Variants in ZNF33B observed in about 807,000 individuals in gnomAD.
ZNF33B encodes the protein zinc finger protein 33B.
A neutral mutation model predicts 45.8 loss-of-function variants in ZNF33B; 29 were observed. The observed-to-expected ratio is 0.63, with a 90% confidence interval of 0.47 to 0.86. ZNF33B has a LOEUF of 0.86. Ranked by LOEUF, ZNF33B falls within the 40% of genes least tolerant of loss-of-function variation. The probability of loss-of-function intolerance (pLI) is 0.00; values close to 1 mark genes in which losing one functional copy is unlikely to be tolerated. For synonymous variants in ZNF33B, 305 were observed against 307.8 expected (o/e 0.99, Z 0.10); for missense variants, 831 against 909.9 (o/e 0.91, Z 1.12).
At chr10:42,586,874 T>G (rs1035250307), downstream of ZNF33B, among the ~76,000 whole-genome samples, 6 of 152,168 alleles carry the variant, frequency 3.9e-5, no homozygotes, top group African/African-American at 1.4e-4. Context: ...CTAGGTCGTT[T>G]ATAAGCAATA....
In ZNF33B at chr10:42,590,309, C is replaced by T. The variant is rs565762119; in HGVS notation, c.*2304G>A. On this transcript the variant is annotated 3_prime_UTR_variant, in exon 5 of 5. Coordinates refer to ENST00000359467, the MANE Select transcript of ZNF33B (RefSeq NM_006955.3). Reference sequence around the variant, plus strand: ...GAAAGAGACAGTACAGACTTGGTATCATTTCTACCTTAAGTATCTCGAAAA... The same window carrying T: ...GAAAGAGACAGTACAGACTTGGTATTATTTCTACCTTAAGTATCTCGAAAA... 2 of 152,176 alleles carry T rather than the reference C, an allele frequency of 1.3e-5. No homozygotes were observed. The highest frequency in any genetic ancestry group is 4.8e-5 in the African/African-American group (2 of 41,444). The allele number at this position is 152,176 out of a possible 1,614,324, so 9.4% of individuals were successfully genotyped here.
chr10:42,593,795 A>G lies in ZNF33B; in HGVS notation c.1155T>C (p.Phe385=), dbSNP rs781267934. 3 of 1,613,868 alleles carry G rather than the reference A, an allele frequency of 1.9e-6. No homozygotes were observed. The highest frequency in any genetic ancestry group is 1.1e-5 in the South Asian group (1 of 91,074). ...AGGCTTTCCCACATTCATTGCATTCAAAAGGTTTCTCCCCTGTGTGTGATC... is the reference window on the plus strand; with the variant it reads ...AGGCTTTCCCACATTCATTGCATTCGAAAGGTTTCTCCCCTGTGTGTGATC... ...HQRSHTGEKP[F]ECNECGKAFS... The change falls in exon 5 of 5, where the codon TTT becomes TTC. Residue 385 remains phenylalanine (F), a synonymous_variant. Coordinates refer to ENST00000359467, the MANE Select transcript of ZNF33B (RefSeq NM_006955.3).
At chr10:42,583,186 A>G (rs976559754) in intron 1 of ZNF33B, 25 of 741,132 alleles carry the variant, frequency 3.4e-5, no homozygotes, top group Non-Finnish European at 5.6e-5. Context: ...GTTGATGTGA[A>G]GATGGCCTGA....
chr10:42,621,305 C>T (rs1411910079), intron 4 of ZNF33B, among the ~76,000 whole-genome samples: 1 of 151,820 alleles, frequency 6.6e-6, no homozygotes, highest in Non-Finnish European at 1.5e-5. Context: ...GCACTCCAGT[C>T]TGGGCAACAG....
chr10:42,615,753 G>A (rs1302662133), intron 4 of ZNF33B, among the ~76,000 whole-genome samples: 12 of 151,276 alleles, frequency 7.9e-5, no homozygotes, highest in African/African-American at 2.9e-4. Flanking sequence ...GTGAAACCCT[G>A]TCTCTACTAA....
At chr10:42,584,056 T>C (rs1836879842) in intron 1 of ZNF33B, among the ~76,000 whole-genome samples, 1 of 152,170 alleles carries the variant, frequency 6.6e-6, no homozygotes, top group Non-Finnish European at 1.5e-5. Context: ...CCATTGGTCA[T>C]CTGTACCAGC....
intron 4 of ZNF33B, among the ~76,000 whole-genome samples, chr10:42,610,425 C>T (rs1302358855): frequency 1.3e-5 from 2 of 152,154 alleles, no homozygotes; most frequent in Admixed American, 1.3e-4. Context: ...GTAGTCCTAG[C>T]TACTTGGGAG....
Position 42,604,411 on chromosome 10 carries a change from C to T in ZNF33B, c.251-9712G>A, listed in dbSNP as rs572142209. Among the ~76,000 whole-genome samples the T allele has an allele frequency of 3.3e-5, 5 of 152,066 alleles. No homozygotes were observed. In the East Asian group the frequency reaches 9.7e-4, roughly 29 times the overall value. On this transcript the variant is annotated intron_variant, in intron 4 of 4. Transcript: ENST00000359467. ...AGTGAGCTGACATCATGCCTCTGAA[C>T]TCCAGCCTGGGTGACACAGCAAGAC...
intron 4 of ZNF33B, among the ~76,000 whole-genome samples, chr10:42,614,679 G>C (rs374231937): frequency 3.3e-5 from 5 of 152,148 alleles, no homozygotes; most frequent in East Asian, 3.9e-4. Context: ...CATCAGTCCG[G>C]GAGCAGTGGC....
chr10:42,606,608 A>G (rs1837864895), intron 4 of ZNF33B, among the ~76,000 whole-genome samples: 1 of 152,160 alleles, frequency 6.6e-6, no homozygotes. Flanking sequence ...GATACTTCCT[A>G]TCTTTCTTTC....
chr10:42,617,492 T>C lies in ZNF33B; in HGVS notation c.250+14437A>G, dbSNP rs190090971. 3.9e-5 allele frequency among the ~76,000 whole-genome samples: 6 copies of C among 152,308 alleles called. No individual in the cohort carries two copies. In the East Asian group the frequency reaches 1.2e-3, roughly 29 times the overall value. On this transcript the variant is annotated intron_variant, in intron 4 of 4. Transcript: ENST00000359467. ...CACCCAGTTTTCTCCATGGTAACAA[T>C]TTGCAGAACTACAGTCCAATATCAA... is the stretch of plus-strand genomic sequence containing the variant.
chr10:42,638,111 G>C (rs916468503), intron 1 of ZNF33B, among the ~76,000 whole-genome samples: 1 of 152,232 alleles, frequency 6.6e-6, no homozygotes, highest in Non-Finnish European at 1.5e-5. Context: ...TGTCGGGCGG[G>C]CGACTGCACC....
At chr10:42,606,258 G>A (rs209377) in intron 4 of ZNF33B, among the ~76,000 whole-genome samples, 121,504 of 151,928 alleles carry the variant, frequency 0.8, 48,931 homozygotes, top group East Asian at 0.96. Context: ...TGTGGTCAGG[G>A]GTTCGTGACC....
Position 42,594,565 on chromosome 10 carries a change from C to A in ZNF33B, c.385G>T (p.Asp129Tyr), listed in dbSNP as rs749593875. The change falls in exon 5 of 5, where the codon GAC becomes TAC. Residue 129 changes from aspartate (D) to tyrosine (Y), a missense_variant. By Grantham distance (160) the Asp-to-Tyr change is radical (BLOSUM62 -3). Transcript: ENST00000359467. ...GNVIGIPFNM[D>Y]VSSFPSRKMF... ...TTTCTGGAAGGAAAAGAACTTACGT[C>A]CATGTTAAATGGTATTCCTATTACA... The A allele has an allele frequency of 3.1e-6, 5 of 1,613,352 alleles. No individual in the cohort carries two copies. In the African/African-American group the frequency reaches 6.7e-5, roughly 22 times the overall value.
chr10:42,594,808 A>G (rs945825347), intron 4 of ZNF33B, 109 bp from the exon 5 acceptor site: 1 of 1,252,378 alleles, frequency 8.0e-7, no homozygotes, highest in African/African-American at 1.5e-5. Context: ...TTTTTTGGCC[A>G]ATTTCCAGAG....
At position 42,626,722 on chromosome 10, in the gene ZNF33B, T is replaced by TAAATAAAA. The variant is rs1437835172; in HGVS notation, c.250+5206_250+5207insTTTTATTT. ...ATAAATAAATAAATAAATAAATAAA[T>TAAATAAAA]AAAATAAAGAAATGTTCCTGCTTCT... is the stretch of plus-strand genomic sequence containing the variant. On this transcript the variant is annotated intron_variant, in intron 4 of 4. Transcript: ENST00000359467. Among the ~76,000 whole-genome samples, 26 of 142,070 alleles carry TAAATAAAA rather than the reference T, an allele frequency of 1.8e-4. No homozygotes were observed. The South Asian group carries it at 4.5e-3, about 24-fold the overall frequency. 93.2% of individuals were successfully genotyped at this position (142,070 alleles called of 152,430 possible).
intron 4 of ZNF33B, among the ~76,000 whole-genome samples, chr10:42,612,186 TAC>T (rs1430412977): frequency 3.3e-5 from 5 of 151,728 alleles, no homozygotes; most frequent in Admixed American, 3.3e-4. Context: ...ATTGACATGA[TAC>T]AGTTTTCTTC....
At chr10:42,627,622 T>C (rs2132148915) in intron 4 of ZNF33B, among the ~76,000 whole-genome samples, 1 of 152,306 alleles carries the variant, frequency 6.6e-6, no homozygotes, top group South Asian at 2.1e-4. Flanking sequence ...CAATTATGGG[T>C]TTGCAACCTA....
intron 4 of ZNF33B, among the ~76,000 whole-genome samples, chr10:42,594,952 C>T (rs1389099052): frequency 3.9e-5 from 6 of 152,136 alleles, no homozygotes; most frequent in Non-Finnish European, 5.9e-5. Flanking sequence ...AATGCACACA[C>T]TTGGTTTCTA....
Sources: allele counts gnomAD v4.1 joint callset (sites outside exome capture counted in the v4.1 genomes callset), GRCh38; gene constraint gnomAD v4.1.1; transcripts MANE v1.5; gene names NCBI Gene and HGNC (gene_info 2026-07-23, HGNC 2026-07-21).